The following ADAM12 variants were observed in gnomAD, a reference collection of about 807,000 sequenced individuals.
The protein encoded by ADAM12 is disintegrin and metalloproteinase domain-containing protein 12.
A neutral mutation model predicts 106.4 loss-of-function variants in ADAM12; 70 were observed. The observed-to-expected ratio is 0.66, with a 90% CI of 0.54 to 0.80. The LOEUF (loss-of-function observed/expected upper bound fraction) is 0.80. ADAM12 is among the 30% of genes least tolerant of loss of function. The pLI is 0.00. For synonymous variants in ADAM12, 420 were observed against 433.5 expected, an observed-to-expected ratio of 0.97 and a Z score of 0.39; for missense variants, 1,010 against 1,171.9, an observed-to-expected ratio of 0.86 and a Z score of 2.02.
intron 3 of ADAM12, among the ~76,000 whole-genome samples, chr10:126,262,385 CAA>C (rs1959019871): frequency 6.6e-6 from 1 of 152,094 alleles, no homozygotes; most frequent in South Asian, 2.1e-4. Flanking sequence ...TCTTTGGCAA[CAA>C]AGAGTGGCCA....
rs544924939 is a variant in ADAM12, at chr10:126,385,098, T to G, written c.88+2960A>C. Among the ~76,000 whole-genome samples the G allele has an allele frequency of 2.6e-5, 4 of 152,298 alleles. No homozygotes were observed. In the South Asian group the frequency reaches 8.3e-4, roughly 32 times the overall value. On this transcript the variant is annotated intron_variant, in intron 1 of 22. Coordinates refer to ENST00000448723, the MANE Select transcript of ADAM12 (RefSeq NM_001288973.2). ...TTTATTATATTAATGAAGGATGTAA[T>G]TAGGGACACAGATGAAAAACAGTTG...
intron 5 of ADAM12, among the ~76,000 whole-genome samples, chr10:126,124,118 A>G (rs1455366065): frequency 2.6e-5 from 4 of 152,134 alleles, no homozygotes; most frequent in African/African-American, 4.8e-5. Flanking sequence ...CAAGCAGGAC[A>G]GTGGCACATG....
intron 2 of ADAM12, among the ~76,000 whole-genome samples, chr10:126,305,628 T>C (rs1247011725): frequency 6.6e-6 from 1 of 152,114 alleles, no homozygotes; most frequent in African/African-American, 2.4e-5. Flanking sequence ...ATTTTATCTT[T>C]TTATTGTTTT....
intron 2 of ADAM12, among the ~76,000 whole-genome samples, chr10:126,296,417 G>A (rs759986715): frequency 7.2e-5 from 11 of 152,172 alleles, no homozygotes; most frequent in Non-Finnish European, 1.3e-4. Context: ...TTACAGGTGT[G>A]AGCCACTGTG....
At chr10:126,266,573 C>T (rs1028212629) in intron 3 of ADAM12, among the ~76,000 whole-genome samples, 8 of 152,166 alleles carry the variant, frequency 5.3e-5, no homozygotes, top group Admixed American at 4.6e-4. Context: ...ACACTGAATA[C>T]CATATCCCTT....
intron 10 of ADAM12, among the ~76,000 whole-genome samples, chr10:126,097,656 T>A (rs1417998830): frequency 2.0e-5 from 3 of 152,148 alleles, no homozygotes; most frequent in African/African-American, 7.2e-5. Flanking sequence ...ATACTCCCTG[T>A]CTGAGGTCTG....
At chr10:126,129,597 T>A (rs527994395) in intron 5 of ADAM12, among the ~76,000 whole-genome samples, 1 of 152,240 alleles carries the variant, frequency 6.6e-6, no homozygotes, top group Non-Finnish European at 1.5e-5. Flanking sequence ...CAGAGCAAAT[T>A]GGGAACCAGA....
At chr10:126,249,364 A>G (rs1396038827) in intron 3 of ADAM12, among the ~76,000 whole-genome samples, 1 of 152,164 alleles carries the variant, frequency 6.6e-6, no homozygotes, top group East Asian at 1.9e-4. Context: ...TATGTCTGTG[A>G]GGGGAAGCAG....
At chr10:126,023,982 T>C (rs1953819835) in intron 21 of ADAM12, among the ~76,000 whole-genome samples, 1 of 151,178 alleles carries the variant, frequency 6.6e-6, no homozygotes, top group South Asian at 2.1e-4. Flanking sequence ...CAGTAACATA[T>C]CCAAAGACTT....
At chr10:126,160,796 A>G (rs1322773335) in intron 3 of ADAM12, among the ~76,000 whole-genome samples, 1 of 152,110 alleles carries the variant, frequency 6.6e-6, no homozygotes, top group Non-Finnish European at 1.5e-5. Flanking sequence ...CTGCCACCAC[A>G]CTGTGCTCAC....
intron 21 of ADAM12, among the ~76,000 whole-genome samples, chr10:126,020,743 C>A (rs1404606939): frequency 2.0e-5 from 3 of 152,044 alleles, no homozygotes. Context: ...GTAACTCCAG[C>A]ACTTTGGGAG....
intron 14 of ADAM12, among the ~76,000 whole-genome samples, chr10:126,058,751 T>A (rs1016782974): frequency 2.6e-5 from 4 of 152,288 alleles, no homozygotes; most frequent in East Asian, 3.9e-4. Flanking sequence ...GTGGCTTTTG[T>A]GCGTTAGCTG....
intron 3 of ADAM12, among the ~76,000 whole-genome samples, chr10:126,250,360 T>C (rs866129915): frequency 6.6e-6 from 1 of 152,172 alleles, no homozygotes; most frequent in Middle Eastern, 3.2e-3. Context: ...TGACATTTTG[T>C]TCACATGTTT....
chr10:126,350,489 A>G (rs1320981229), intron 1 of ADAM12, among the ~76,000 whole-genome samples: 2 of 152,198 alleles, frequency 1.3e-5, no homozygotes, highest in Non-Finnish European at 2.9e-5. Flanking sequence ...CTGCCTGGGC[A>G]TGGCCACCAC....
At chr10:126,315,640 T>C (rs1853835630) in intron 2 of ADAM12, among the ~76,000 whole-genome samples, 1 of 151,968 alleles carries the variant, frequency 6.6e-6, no homozygotes, top group Non-Finnish European at 1.5e-5. Flanking sequence ...CAGACGAGGC[T>C]CAGTACCTGC....
At chr10:126,220,699 A>G (rs1326159291) in intron 3 of ADAM12, among the ~76,000 whole-genome samples, 1 of 152,234 alleles carries the variant, frequency 6.6e-6, no homozygotes, top group Non-Finnish European at 1.5e-5. Context: ...TGGGTTCCAA[A>G]GTTATGAATG....
Position 126,092,127 on chromosome 10 carries a change from A to G in ADAM12, c.1145+1858T>C, listed in dbSNP as rs1385590704. Among the ~76,000 whole-genome samples the G allele has an allele frequency of 2.0e-5, 3 of 152,348 alleles. No individual in the cohort carries two copies. In the East Asian group the frequency reaches 5.8e-4, roughly 29 times the overall value. On this transcript the variant is annotated intron_variant, in intron 11 of 22. Coordinates refer to ENST00000448723, the MANE Select transcript of ADAM12 (RefSeq NM_001288973.2). ...AGGTTTTCCTCTCTTCCATTGGTTT[A>G]TCAATAATTAAAAAACATTAACAAT... is the stretch of plus-strand genomic sequence containing the variant.
At position 126,189,337 on chromosome 10, in the gene ADAM12, A is replaced by G. The variant is rs550602210; in HGVS notation, c.261-34032T>C. Among the ~76,000 whole-genome samples the G allele has an allele frequency of 2.0e-5, 3 of 152,292 alleles. No homozygotes were observed. In the East Asian group the frequency reaches 5.8e-4, roughly 29 times the overall value. ...GTTCAGTGGGGATGAAGAATGGGGT[A>G]TACGGTGGGGAGTGTAGGAAGGACT... On this transcript the variant is annotated intron_variant, in intron 3 of 22. Transcript: ENST00000448723.
chr10:126,315,340 G>A (rs983799311), intron 2 of ADAM12, among the ~76,000 whole-genome samples: 6 of 152,088 alleles, frequency 3.9e-5, no homozygotes, highest in Non-Finnish European at 5.9e-5. Flanking sequence ...AACTCTGCTC[G>A]CCAGCTCTTT....
Sources: allele counts gnomAD v4.1 joint callset (sites outside exome capture counted in the v4.1 genomes callset), GRCh38; gene constraint gnomAD v4.1.1; transcripts MANE v1.5; gene names NCBI Gene and HGNC (gene_info 2026-07-23, HGNC 2026-07-21).